TLN2: variants seen among roughly 807,000 people sequenced by gnomAD.
TLN2 encodes the protein talin 2, also known as talin-2.
Under a neutral mutation model 294.7 loss-of-function variants are expected in TLN2, and 118 were observed. The observed-to-expected ratio is 0.40, with a 90% CI of 0.34 to 0.47. The LOEUF is 0.47. Ranked by LOEUF, TLN2 falls within the 20% of genes least tolerant of loss-of-function variation. The pLI is 0.84. For missense variants in TLN2, 3,083 were observed against 3,282.2 expected (o/e 0.94, Z 1.48); for synonymous variants, 1,431 against 1,304.5 (o/e 1.10, Z -2.09).
chr15:62,536,521 T>G (rs1325230350), intron 1 of TLN2, among the ~76,000 whole-genome samples: 2 of 152,230 alleles, frequency 1.3e-5, no homozygotes, highest in East Asian at 3.8e-4. Context: ...TAATAAATTT[T>G]TGTATTTTTG....
chr15:62,517,857 C>G (rs981873190), intron 1 of TLN2, among the ~76,000 whole-genome samples: 6 of 152,094 alleles, frequency 3.9e-5, no homozygotes, highest in African/African-American at 1.4e-4. Flanking sequence ...GTAGCCATGT[C>G]CCAGCTCTGC....
At chr15:62,658,664 C>T (rs1308973923) in intron 9 of TLN2, among the ~76,000 whole-genome samples, 1 of 152,134 alleles carries the variant, frequency 6.6e-6, no homozygotes, top group Non-Finnish European at 1.5e-5. Flanking sequence ...CTGTATTCTC[C>T]AAATGAGTCA....
At chr15:62,442,957 C>T (rs2035631223) in intron 1 of TLN2, among the ~76,000 whole-genome samples, 1 of 152,166 alleles carries the variant, frequency 6.6e-6, no homozygotes, top group African/African-American at 2.4e-5. Context: ...GCCAGCAGTG[C>T]CACATCTTCT....
chr15:62,663,068 G>T (rs2054083415), intron 9 of TLN2, among the ~76,000 whole-genome samples: 2 of 152,006 alleles, frequency 1.3e-5, no homozygotes, highest in Non-Finnish European at 2.9e-5. Flanking sequence ...TCCTGCCTCG[G>T]CCTCCCAAAG....
chr15:62,661,685 T>C (rs1433315812), intron 9 of TLN2, among the ~76,000 whole-genome samples: 1 of 152,162 alleles, frequency 6.6e-6, no homozygotes, highest in Non-Finnish European at 1.5e-5. Context: ...TAAGTCCAGG[T>C]CTATACTATC....
At chr15:62,481,922 G>A (rs1318095393) in intron 1 of TLN2, among the ~76,000 whole-genome samples, 9 of 149,470 alleles carry the variant, frequency 6.0e-5, no homozygotes, top group Admixed American at 2.0e-4. Flanking sequence ...TCAGCCTCCC[G>A]AGTAGCTGGG....
intron 1 of TLN2, among the ~76,000 whole-genome samples, chr15:62,392,084 TCTTTGG>T (rs1378186768): frequency 6.6e-6 from 1 of 152,272 alleles, no homozygotes; most frequent in Admixed American, 6.5e-5. Flanking sequence ...TCCAGTCGCC[TCTTTGG>T]CTTTAGCGGC....
chr15:62,663,888 A>G (rs529800159), intron 9 of TLN2, among the ~76,000 whole-genome samples: 1 of 152,140 alleles, frequency 6.6e-6, no homozygotes, highest in South Asian at 2.1e-4. Flanking sequence ...CACTTACATA[A>G]TAATGAGAAA....
chr15:62,556,704 A>G (rs2042625360), intron 1 of TLN2, among the ~76,000 whole-genome samples: 1 of 152,228 alleles, frequency 6.6e-6, no homozygotes, highest in South Asian at 2.1e-4. Context: ...TTTTACTGCT[A>G]CTGCCTTCTT....
At chr15:62,755,969 G>C (rs925515108) in intron 37 of TLN2, among the ~76,000 whole-genome samples, 20 of 152,202 alleles carry the variant, frequency 1.3e-4, no homozygotes, top group African/African-American at 4.6e-4. Flanking sequence ...ACTCTGGTGG[G>C]AAAGGGTTGG....
chr15:62,579,307 A>C (rs962424107), intron 1 of TLN2, among the ~76,000 whole-genome samples: 10 of 152,228 alleles, frequency 6.6e-5, no homozygotes, highest in African/African-American at 2.2e-4. Context: ...AGAGAGCAGC[A>C]TAGAAAAATC....
At chr15:62,701,003 AAGAATGT>A (rs1249050843) in intron 16 of TLN2, 96 bp from the exon 17 acceptor site, 1 of 996,670 alleles carries the variant, frequency 1.0e-6, no homozygotes, top group Non-Finnish European at 1.6e-6. Context: ...GCCTCATAAG[AAGAATGT>A]AGCCAAAATG....
intron 27 of TLN2, among the ~76,000 whole-genome samples, chr15:62,726,769 A>C (rs1001802104): frequency 6.6e-6 from 1 of 152,212 alleles, no homozygotes; most frequent in African/African-American, 2.4e-5. Context: ...GAGAGCCTAC[A>C]TTAATTCTCT....
intron 13 of TLN2, 115 bp downstream of exon 13, chr15:62,693,056 A>G (rs937634328): frequency 1.3e-5 from 11 of 833,386 alleles, no homozygotes; most frequent in Non-Finnish European, 1.9e-5. Context: ...GAGGCCAGGC[A>G]TGGTGGCTCA....
At chr15:62,741,182 T>C (rs1270466413) in intron 32 of TLN2, among the ~76,000 whole-genome samples, 1 of 152,210 alleles carries the variant, frequency 6.6e-6, no homozygotes, top group Non-Finnish European at 1.5e-5. Context: ...CAGCAGACTT[T>C]TATTGAGCAC....
At chr15:62,618,765 T>C (rs530509298) in intron 3 of TLN2, among the ~76,000 whole-genome samples, 1 of 152,348 alleles carries the variant, frequency 6.6e-6, no homozygotes, top group East Asian at 1.9e-4. Flanking sequence ...CTCTCCAGTT[T>C]GTTTCTCCTG....
In TLN2 at chr15:62,665,465, T is replaced by C. The variant is rs1031605082; in HGVS notation, c.788+7567T>C. On this transcript the variant is annotated intron_variant, in intron 9 of 58. Coordinates refer to ENST00000636159, the MANE Select transcript of TLN2 (RefSeq NM_015059.3). The stretch of plus-strand genomic sequence containing the variant: ...TGGCAAAGGCAAAAGTAATAGGCAC[T>C]GGAGGCCAGACAGAAAGGTTCCATG... 5.9e-5 allele frequency among the ~76,000 whole-genome samples: 9 copies of C among 152,314 alleles called. No individual in the cohort carries two copies. In the East Asian group the frequency reaches 1.7e-3, roughly 29 times the overall value.
chr15:62,532,532 T>C (rs2041105395), intron 1 of TLN2, among the ~76,000 whole-genome samples: 1 of 152,200 alleles, frequency 6.6e-6, no homozygotes. Context: ...ACTGTCCCTG[T>C]TGGCAGCCAC....
rs1408118434 is a variant in TLN2 at position 62,742,019 on chromosome 15, A to G, written c.4025+1250A>G. 1.7e-3 allele frequency among the ~76,000 whole-genome samples: 57 copies of G among 34,310 alleles called. 2 individuals are homozygous for G. Among genetic ancestry groups the G allele is most frequent in the Non-Finnish European group, 3.0e-3 (49 of 16,190 alleles). 22.5% of individuals were successfully genotyped at this position (34,310 alleles called of 152,430 possible). A position where few individuals can be genotyped will look rare whatever the true frequency, so the allele number is the denominator to read the frequency against. On this transcript the variant is annotated intron_variant, in intron 32 of 58. Transcript: ENST00000636159. ...ATGTCCTTCCTCCCTCTTGGCTTGT[A>G]GTGGGGTGTGTGTGTGTGTGTGTGT...
Sources: allele counts gnomAD v4.1 joint callset (sites outside exome capture counted in the v4.1 genomes callset), GRCh38; gene constraint gnomAD v4.1.1; transcripts MANE v1.5; gene names NCBI Gene and HGNC (gene_info 2026-07-23, HGNC 2026-07-21).